NBAS: variants seen among roughly 807,000 people sequenced by gnomAD.
NBAS encodes NAG/BC035112 fusion.
Under a neutral mutation model 302.5 loss-of-function variants are expected in NBAS, and 219 were observed. The observed-to-expected ratio is 0.72, with a 90% CI of 0.65 to 0.81. NBAS has a LOEUF of 0.81. NBAS is among the 30% of genes least tolerant of loss of function. The probability of loss-of-function intolerance (pLI) is 0.00; values close to 1 mark genes in which losing one functional copy is unlikely to be tolerated. For missense variants in NBAS, 2,932 were observed against 2,841.6 expected (o/e 1.03, Z -0.72); for synonymous variants, 1,118 against 1,021.6 (o/e 1.09, Z -1.80).
chr2:15,356,834 C>G (rs1482680741), intron 32 of NBAS, among the ~76,000 whole-genome samples: 1 of 152,166 alleles, frequency 6.6e-6, no homozygotes, highest in Non-Finnish European at 1.5e-5. Flanking sequence ...AACTTCTCAT[C>G]ATAAAAATTC....
At chr2:15,057,970 A>G in the NBAS span, among the ~76,000 whole-genome samples, 4 of 152,218 alleles carry the variant, frequency 2.6e-5, no homozygotes, top group East Asian at 1.9e-4. Flanking sequence ...TGCAGCAATC[A>G]GGGAACACTT....
intron 40 of NBAS, among the ~76,000 whole-genome samples, chr2:15,305,215 G>A (rs1476292133): frequency 6.6e-6 from 1 of 152,058 alleles, no homozygotes; most frequent in East Asian, 1.9e-4. Context: ...GGAGGTAACT[G>A]GATCATGGGG....
the NBAS span, among the ~76,000 whole-genome samples, chr2:15,132,530 C>T: frequency 6.6e-6 from 1 of 152,100 alleles, no homozygotes; most frequent in Admixed American, 6.6e-5. Flanking sequence ...TGCACAAATC[C>T]ATACAATATA....
chr2:15,217,861 G>A (rs1347480257), intron 48 of NBAS, among the ~76,000 whole-genome samples: 6 of 151,986 alleles, frequency 3.9e-5, no homozygotes, highest in African/African-American at 1.2e-4. Flanking sequence ...TCATGGTGGT[G>A]GAAAAACAAA....
intron 44 of NBAS, among the ~76,000 whole-genome samples, chr2:15,270,025 G>T (rs1669244554): frequency 6.6e-6 from 1 of 152,130 alleles, no homozygotes; most frequent in Non-Finnish European, 1.5e-5. Flanking sequence ...ATCCAGCTGT[G>T]TTCTATTAAG....
At chr2:15,228,072 T>G (rs1452398193) in intron 47 of NBAS, among the ~76,000 whole-genome samples, 2 of 152,148 alleles carry the variant, frequency 1.3e-5, no homozygotes, top group African/African-American at 4.8e-5. Flanking sequence ...TTGGAGAAAC[T>G]ATTTGTAAAC....
the NBAS span, among the ~76,000 whole-genome samples, chr2:15,023,963 A>T: frequency 6.6e-6 from 1 of 151,858 alleles, no homozygotes; most frequent in African/African-American, 2.4e-5. Flanking sequence ...ATTTTATTTT[A>T]TTTTAATATT....
the NBAS span, among the ~76,000 whole-genome samples, chr2:15,041,319 C>T: frequency 1.7e-3 from 255 of 152,334 alleles, 1 homozygote; most frequent in African/African-American, 5.7e-3. Context: ...CCAAGGGAGT[C>T]GGTAGCCACA....
intron 36 of NBAS, among the ~76,000 whole-genome samples, chr2:15,330,241 C>A (rs1244368111): frequency 6.6e-6 from 1 of 152,214 alleles, no homozygotes; most frequent in Non-Finnish European, 1.5e-5. Flanking sequence ...CAACTGTTCT[C>A]CTTCCTGAGA....
the NBAS span, among the ~76,000 whole-genome samples, chr2:14,935,100 A>G: frequency 2.6e-5 from 4 of 152,008 alleles, no homozygotes; most frequent in Admixed American, 2.6e-4. Context: ...ATGATCTTTT[A>G]TTTTTTCTCC....
At chr2:14,945,744 GA>G in the NBAS span, among the ~76,000 whole-genome samples, 152 of 151,876 alleles carry the variant, frequency 1.0e-3, 1 homozygote, top group Non-Finnish European at 8.4e-4. Flanking sequence ...AGTCAGAGGA[GA>G]AAAAAGAAAA....
At chr2:15,006,005 A>G in the NBAS span, among the ~76,000 whole-genome samples, 3 of 152,232 alleles carry the variant, frequency 2.0e-5, no homozygotes, top group African/African-American at 7.2e-5. Flanking sequence ...CCAATCCAAG[A>G]TGAAAAGGCA....
chr2:15,264,097 G>C lies in NBAS; in HGVS notation c.5724+11387C>G, dbSNP rs145717264. ...TGAAGAAAGAATGGAAGAGCAAAGG[G>C]AGTCCAAGTCACTAAAGATTTACAG... On this transcript the variant is annotated intron_variant, in intron 44 of 51. Transcript: ENST00000281513. 1.9e-3 allele frequency among the ~76,000 whole-genome samples: 296 copies of C among 152,318 alleles called. 2 individuals are homozygous for C. Among genetic ancestry groups the C allele is most frequent in the African/African-American group, 7.0e-3 (292 of 41,572 alleles).
chr2:15,329,934 C>G (rs1672246893), intron 36 of NBAS, among the ~76,000 whole-genome samples: 1 of 152,178 alleles, frequency 6.6e-6, no homozygotes, highest in Non-Finnish European at 1.5e-5. Flanking sequence ...TTTTCTGTGT[C>G]TCCCTCACTG....
chr2:14,785,755 C>A, the NBAS span, among the ~76,000 whole-genome samples: 2 of 152,184 alleles, frequency 1.3e-5, no homozygotes, highest in Non-Finnish European at 2.9e-5. Context: ...CATCAATGTT[C>A]ATCAAGGATA....
chr2:15,232,582 C>T, intron 46 of NBAS, 71 bp from the exon 47 acceptor site: 2 of 1,414,830 alleles, frequency 1.4e-6, no homozygotes, highest in South Asian at 2.4e-5. Flanking sequence ...GGTATTCACA[C>T]CCTTAAATGA....
At chr2:14,783,156 T>C in the NBAS span, among the ~76,000 whole-genome samples, 1 of 151,610 alleles carries the variant, frequency 6.6e-6, no homozygotes, top group African/African-American at 2.4e-5. Flanking sequence ...TAAAACTGGG[T>C]TTTCCACATT....
At chr2:15,319,587 T>C (rs982524087) in intron 38 of NBAS, among the ~76,000 whole-genome samples, 4 of 152,046 alleles carry the variant, frequency 2.6e-5, no homozygotes, top group East Asian at 1.9e-4. Context: ...CCCACAGAAA[T>C]ACAAACAACC....
the NBAS span, among the ~76,000 whole-genome samples, chr2:14,800,266 TG>T: frequency 6.6e-6 from 1 of 152,170 alleles, no homozygotes; most frequent in African/African-American, 2.4e-5. Flanking sequence ...AATTGAATCA[TG>T]GGGGCAGGCC....
Sources: gnomAD v4.1 joint callset for allele counts (sites outside exome capture counted in the v4.1 genomes callset) on GRCh38, gnomAD v4.1.1 for gene constraint, MANE v1.5 for transcripts, NCBI Gene and HGNC (gene_info 2026-07-23, HGNC 2026-07-21) for gene names.